FAM13A: variants seen among roughly 807,000 people sequenced by gnomAD.
The protein encoded by FAM13A is family with sequence similarity 13 member A, also known as protein FAM13A.
FAM13A carries 76 observed loss-of-function variants against 129.6 expected under a neutral mutation model. The observed-to-expected ratio is 0.59, with a 90% confidence interval of 0.49 to 0.71. The LOEUF (loss-of-function observed/expected upper bound fraction) is 0.71. FAM13A is among the 30% of genes least tolerant of loss of function. FAM13A has a pLI of 0.00. For missense variants in FAM13A, 1,108 were observed against 1,249.3 expected (o/e 0.89, Z 1.70); for synonymous variants, 443 against 449.9 (o/e 0.98, Z 0.20).
intron 14 of FAM13A, among the ~76,000 whole-genome samples, chr4:88,754,564 C>T (rs1412508067): frequency 6.6e-6 from 1 of 152,128 alleles, no homozygotes. Context: ...AAGATGTAAC[C>T]ATTTTTCTGC....
chr4:88,862,055 T>C (rs1739577636), intron 6 of FAM13A, among the ~76,000 whole-genome samples: 1 of 152,202 alleles, frequency 6.6e-6, no homozygotes, highest in Non-Finnish European at 1.5e-5. Flanking sequence ...ATGGAGCACT[T>C]ACTACCTGTG....
At chr4:88,870,979 C>T (rs1741288918) in intron 6 of FAM13A, among the ~76,000 whole-genome samples, 1 of 152,224 alleles carries the variant, frequency 6.6e-6, no homozygotes, top group African/African-American at 2.4e-5. Context: ...GTTCTGCAGC[C>T]TTTGCTGGTG....
chr4:89,016,146 ACT>A (rs1766453148), intron 3 of FAM13A, among the ~76,000 whole-genome samples: 1 of 151,410 alleles, frequency 6.6e-6, no homozygotes, highest in Non-Finnish European at 1.5e-5. Flanking sequence ...GATGATTCTG[ACT>A]CTGTAGGCCT....
At chr4:89,036,531 T>C (rs908627486) in intron 1 of FAM13A, among the ~76,000 whole-genome samples, 20 of 152,280 alleles carry the variant, frequency 1.3e-4, no homozygotes, top group African/African-American at 3.4e-4. Context: ...AGCCTGATCA[T>C]ATTGTAGAAA....
At chr4:88,978,601 T>C (rs561852425) in intron 4 of FAM13A, among the ~76,000 whole-genome samples, 2 of 152,318 alleles carry the variant, frequency 1.3e-5, no homozygotes, top group East Asian at 1.9e-4. Context: ...GAGACCATCC[T>C]GGCTAACACG....
chr4:88,905,124 G>A lies in FAM13A; in HGVS notation c.843+1255C>T, dbSNP rs557438385. Among the ~76,000 whole-genome samples, 3 of 152,192 alleles carry A rather than the reference G, an allele frequency of 2.0e-5. No individual in the cohort carries two copies. In the South Asian group the frequency reaches 6.2e-4, roughly 32 times the overall value. On this transcript the variant is annotated intron_variant, in intron 6 of 23. Transcript: ENST00000264344. ...TGACTATTTCCTATGTCAGAGGCTA[G>A]AAAAAATTATATGTAAGTATGTATG...
chr4:88,744,178 C>G (rs1475566590), intron 19 of FAM13A, among the ~76,000 whole-genome samples: 1 of 152,096 alleles, frequency 6.6e-6, no homozygotes, highest in Non-Finnish European at 1.5e-5. Context: ...TTAAAATACT[C>G]CATTGAGGAA....
chr4:88,861,874 T>C (rs972470225), intron 6 of FAM13A, among the ~76,000 whole-genome samples: 1 of 152,182 alleles, frequency 6.6e-6, no homozygotes, highest in Non-Finnish European at 1.5e-5. Flanking sequence ...ATTTTAAAGG[T>C]GGTAGAACAG....
Position 88,781,362 on chromosome 4 carries a change from G to GA in FAM13A, c.1272-12dup, listed in dbSNP as rs1722819405. On this transcript the variant is annotated splice_polypyrimidine_tract_variant and intron_variant, in intron 10 of 23. Coordinates refer to ENST00000264344, the MANE Select transcript of FAM13A (RefSeq NM_014883.4). The stretch of plus-strand genomic sequence containing the variant: ...TTGTTGATAAGTCCCCTTGAATTGA[G>GA]AAAAAAGCTTAATTTTATTTTAAAA... 2.6e-6 allele frequency: 4 copies of GA among 1,562,126 alleles called. No homozygotes were observed. Among genetic ancestry groups the GA allele is most frequent in the Admixed American group, 1.9e-5 (1 of 52,274 alleles).
At chr4:88,906,281 C>G (rs771729493) in intron 6 of FAM13A, 98 bp downstream of exon 6, 12 of 861,482 alleles carry the variant, frequency 1.4e-5, no homozygotes, top group South Asian at 7.9e-5. Flanking sequence ...AAGCAAGACT[C>G]TGTCTCAAAA....
At chr4:88,828,417 T>C (rs1267139305) in intron 7 of FAM13A, among the ~76,000 whole-genome samples, 1 of 152,212 alleles carries the variant, frequency 6.6e-6, no homozygotes, top group Non-Finnish European at 1.5e-5. Context: ...GGATTACAGA[T>C]GTGAGCCACT....
chr4:88,839,513 A>C (rs1417613478), intron 7 of FAM13A, among the ~76,000 whole-genome samples: 1 of 152,170 alleles, frequency 6.6e-6, no homozygotes, highest in African/African-American at 2.4e-5. Flanking sequence ...GTAAATTAGG[A>C]ATTCTATTGT....
At chr4:88,953,387 G>A (rs11931962) in intron 4 of FAM13A, among the ~76,000 whole-genome samples, 2,685 of 151,820 alleles carry the variant, frequency 0.018, 82 homozygotes, top group African/African-American at 0.06. Context: ...CCCAGAAGGC[G>A]GAGGTTGCAG....
chr4:88,925,754 A>G (rs182261779), intron 5 of FAM13A, among the ~76,000 whole-genome samples: 87 of 151,216 alleles, frequency 5.8e-4, no homozygotes, highest in Admixed American at 1.5e-3. Context: ...ATAAGTAAAT[A>G]TGAGATATTG....
chr4:88,910,930 G>C (rs919184791), intron 5 of FAM13A, among the ~76,000 whole-genome samples: 2 of 152,168 alleles, frequency 1.3e-5, no homozygotes, highest in Admixed American at 1.3e-4. Flanking sequence ...TTACAGGCGT[G>C]AGCCACCACG....
At chr4:88,945,990 G>GTGTGTGTGTA in intron 4 of FAM13A, among the ~76,000 whole-genome samples, 14 of 61,958 alleles carry the variant, frequency 2.3e-4, no homozygotes, top group Non-Finnish European at 1.7e-4. Flanking sequence ...GTGTGTGTGT[G>GTGTGTGTGTA]TATATATATA....
Position 88,726,491 on chromosome 4 carries a change from T to C in FAM13A, c.*2042A>G, listed in dbSNP as rs1048066976. ...TCCAAAACAATTAGTAGCATCTCAT[T>C]TATTTGTAGCTTAAAAAAAAATTCT... On this transcript the variant is annotated 3_prime_UTR_variant, in exon 24 of 24. Coordinates refer to ENST00000264344, the MANE Select transcript of FAM13A (RefSeq NM_014883.4). 6.6e-6 allele frequency: 1 copy of C among 152,636 alleles called. No homozygotes were observed. The highest frequency in any genetic ancestry group is 1.5e-5 in the Non-Finnish European group (1 of 68,042). 9.5% of individuals were successfully genotyped at this position (152,636 alleles called of 1,614,324 possible).
intron 10 of FAM13A, 74 bp from the exon 11 acceptor site, chr4:88,781,425 T>C (rs537191107): frequency 1.9e-4 from 192 of 991,932 alleles, no homozygotes; most frequent in Non-Finnish European, 2.7e-4. Flanking sequence ...AACTACATCA[T>C]ATCATACCTA....
chr4:88,847,088 C>CT (rs1313176534), intron 7 of FAM13A, among the ~76,000 whole-genome samples: 5 of 152,166 alleles, frequency 3.3e-5, no homozygotes, highest in Non-Finnish European at 5.9e-5. Context: ...AAGTAAACAT[C>CT]TCTTCACAGA....
Sources: allele counts gnomAD v4.1 joint callset (sites outside exome capture counted in the v4.1 genomes callset), GRCh38; gene constraint gnomAD v4.1.1; transcripts MANE v1.5; gene names NCBI Gene and HGNC (gene_info 2026-07-23, HGNC 2026-07-21).